CDKAL1: variants seen among roughly 807,000 people sequenced by gnomAD.
CDKAL1 encodes the protein threonylcarbamoyladenosine tRNA methylthiotransferase.
A neutral mutation model predicts 68.2 loss-of-function variants in CDKAL1; 32 were observed. The observed-to-expected ratio is 0.47, with a 90% confidence interval of 0.35 to 0.63. The LOEUF (loss-of-function observed/expected upper bound fraction) is 0.63, where lower values mean the gene tolerates loss of function less well. Ranked by LOEUF, CDKAL1 falls within the 30% of genes least tolerant of loss-of-function variation. The pLI, the probability that CDKAL1 is intolerant of heterozygous loss-of-function variation, is 0.00. For missense variants in CDKAL1, 606 were observed against 696.7 expected (o/e 0.87, Z 1.47); for synonymous variants, 234 against 244.3 (o/e 0.96, Z 0.39).
chr6:21,122,832 G>A (rs1368607750), intron 13 of CDKAL1, among the ~76,000 whole-genome samples: 1 of 147,740 alleles, frequency 6.8e-6, no homozygotes, highest in Non-Finnish European at 1.5e-5. Flanking sequence ...TTTGGTAGGG[G>A]GAGGGTCTCA....
chr6:20,556,814 G>T (rs1764061499), intron 4 of CDKAL1, among the ~76,000 whole-genome samples: 1 of 152,014 alleles, frequency 6.6e-6, no homozygotes, highest in South Asian at 2.1e-4. Flanking sequence ...GAGGCGGGCA[G>T]ATCATGAGGT....
chr6:20,903,167 A>G (rs1310232105), intron 9 of CDKAL1, among the ~76,000 whole-genome samples: 2 of 151,910 alleles, frequency 1.3e-5, no homozygotes, highest in Non-Finnish European at 2.9e-5. Flanking sequence ...CTCTCTTCTC[A>G]CTCTCTCTGT....
At chr6:21,201,727 T>G (rs1293922754) in intron 15 of CDKAL1, among the ~76,000 whole-genome samples, 7 of 152,218 alleles carry the variant, frequency 4.6e-5, no homozygotes, top group African/African-American at 1.7e-4. Context: ...AGAAGGGTGT[T>G]AGCTGGATAT....
intron 4 of CDKAL1, among the ~76,000 whole-genome samples, chr6:20,636,067 G>A (rs1446615110): frequency 6.6e-6 from 1 of 152,136 alleles, no homozygotes; most frequent in Non-Finnish European, 1.5e-5. Flanking sequence ...GGTATAGGGA[G>A]GGCATGTCTC....
At chr6:20,844,170 A>G (rs977161361) in intron 8 of CDKAL1, among the ~76,000 whole-genome samples, 1 of 152,248 alleles carries the variant, frequency 6.6e-6, no homozygotes, top group African/African-American at 2.4e-5. Flanking sequence ...CTGGATGGAC[A>G]AGAAGCCTGG....
chr6:20,890,019 G>A lies in CDKAL1; in HGVS notation c.742+43841G>A, dbSNP rs370830627. On this transcript the variant is annotated intron_variant, in intron 9 of 15. Transcript: ENST00000274695. ...TCCTCCTGCCTCGGCCCCCCAAAGT[G>A]CTGAGATCACATGCATGAGCTACCG... 1.6e-3 allele frequency among the ~76,000 whole-genome samples: 250 copies of A among 152,196 alleles called. 8 individuals are homozygous for A. The South Asian group carries it at 0.049, about 30-fold the overall frequency.
intron 8 of CDKAL1, among the ~76,000 whole-genome samples, chr6:20,825,474 C>T (rs940355430): frequency 3.3e-5 from 5 of 151,974 alleles, no homozygotes; most frequent in Admixed American, 6.6e-5. Flanking sequence ...AAGATTATTA[C>T]GAGTCAAAGA....
chr6:20,797,189 C>G (rs1269012008), intron 8 of CDKAL1, among the ~76,000 whole-genome samples: 1 of 152,114 alleles, frequency 6.6e-6, no homozygotes, highest in Admixed American at 6.5e-5. Context: ...GGAAAACAAC[C>G]AGATTAAAAT....
chr6:20,641,064 A>G (rs1055396901), intron 4 of CDKAL1, among the ~76,000 whole-genome samples: 3 of 152,198 alleles, frequency 2.0e-5, no homozygotes, highest in African/African-American at 4.8e-5. Context: ...AATTACAACA[A>G]TAGTTTATTT....
At chr6:20,600,266 T>C (rs1766025114) in intron 4 of CDKAL1, among the ~76,000 whole-genome samples, 1 of 152,124 alleles carries the variant, frequency 6.6e-6, no homozygotes, top group Non-Finnish European at 1.5e-5. Context: ...GTATATGTGT[T>C]AATAATTTAT....
At chr6:20,810,496 C>T (rs1776761618) in intron 8 of CDKAL1, among the ~76,000 whole-genome samples, 1 of 148,734 alleles carries the variant, frequency 6.7e-6, no homozygotes, top group African/African-American at 2.5e-5. Context: ...ACTCGTGAGG[C>T]TGAGGTGGGA....
At chr6:21,209,147 G>A (rs1779054778) in intron 15 of CDKAL1, among the ~76,000 whole-genome samples, 1 of 152,166 alleles carries the variant, frequency 6.6e-6, no homozygotes, top group African/African-American at 2.4e-5. Flanking sequence ...TATTACTTCA[G>A]TTTATTATTC....
At chr6:20,638,500 T>C (rs1208154544) in intron 4 of CDKAL1, among the ~76,000 whole-genome samples, 1 of 152,200 alleles carries the variant, frequency 6.6e-6, no homozygotes, top group Non-Finnish European at 1.5e-5. Flanking sequence ...TAGTTTTGGA[T>C]TGGGGCATGG....
chr6:20,988,904 T>G (rs1167441582), intron 10 of CDKAL1, among the ~76,000 whole-genome samples: 1 of 151,602 alleles, frequency 6.6e-6, no homozygotes, highest in African/African-American at 2.4e-5. Context: ...ATGATCCATC[T>G]GCCTCGGCCT....
At chr6:21,080,573 G>A (rs115942960) in intron 12 of CDKAL1, among the ~76,000 whole-genome samples, 1 of 152,078 alleles carries the variant, frequency 6.6e-6, no homozygotes, top group African/African-American at 2.4e-5. Context: ...ATCCTTTCAG[G>A]ATCCCAACCT....
intron 4 of CDKAL1, among the ~76,000 whole-genome samples, chr6:20,624,159 G>A (rs1443205360): frequency 2.0e-5 from 3 of 151,994 alleles, no homozygotes; most frequent in African/African-American, 4.8e-5. Flanking sequence ...CAAAATTTAT[G>A]AGCAGACATT....
intron 9 of CDKAL1, among the ~76,000 whole-genome samples, chr6:20,897,049 A>G (rs1561866417): frequency 6.6e-6 from 1 of 152,186 alleles, no homozygotes; most frequent in Non-Finnish European, 1.5e-5. Context: ...GAAATCTAAG[A>G]TCATGGTGCC....
At chr6:21,177,939 A>G (rs1290813183) in intron 13 of CDKAL1, among the ~76,000 whole-genome samples, 4 of 152,188 alleles carry the variant, frequency 2.6e-5, no homozygotes, top group Non-Finnish European at 5.9e-5. Flanking sequence ...TAATAATTTT[A>G]TATATGGTTC....
chr6:20,799,044 T>TTG (rs1271641701), intron 8 of CDKAL1, among the ~76,000 whole-genome samples: 1 of 102,558 alleles, frequency 9.8e-6, no homozygotes, highest in East Asian at 2.7e-4. Context: ...AACTGAGTTT[T>TTG]TTTTTTTTTT....
Sources: gnomAD v4.1 joint callset for allele counts (sites outside exome capture counted in the v4.1 genomes callset) on GRCh38, gnomAD v4.1.1 for gene constraint, MANE v1.5 for transcripts, NCBI Gene and HGNC (gene_info 2026-07-23, HGNC 2026-07-21) for gene names.